The following LINGO2 variants were observed in gnomAD, a reference collection of about 807,000 sequenced individuals.
LINGO2 encodes leucine-rich repeat and immunoglobulin-like domain-containing nogo receptor-interacting protein 2.
In LINGO2, 14 loss-of-function variants were observed where a neutral mutation model predicts 30.6. The observed-to-expected ratio is 0.46, with a 90% CI of 0.30 to 0.72. The LOEUF (loss-of-function observed/expected upper bound fraction) is 0.72, where lower values mean the gene tolerates loss of function less well. Ranked by LOEUF, LINGO2 falls within the 30% of genes least tolerant of loss-of-function variation. The probability of loss-of-function intolerance (pLI) is 0.07; values close to 1 mark genes in which losing one functional copy is unlikely to be tolerated. For synonymous variants in LINGO2, 317 were observed against 288.5 expected (o/e 1.10, Z -1.00); for missense variants, 729 against 751.7 (o/e 0.97, Z 0.35).
chr9:28,338,579 C>G (rs1825665806), intron 3 of LINGO2, among the ~76,000 whole-genome samples: 2 of 152,076 alleles, frequency 1.3e-5, no homozygotes, highest in Admixed American at 1.3e-4. Context: ...AATTGTAGTT[C>G]CTATAATTCC....
chr9:28,563,258 C>T lies in LINGO2; in HGVS notation c.-364-87233G>A, dbSNP rs547406311. Among the ~76,000 whole-genome samples the T allele has an allele frequency of 7.4e-4, 112 of 152,190 alleles. 1 individual carries two copies. The highest frequency in any genetic ancestry group is 2.0e-3 in the Admixed American group (31 of 15,294). On this transcript the variant is annotated intron_variant, in intron 1 of 5. Coordinates refer to ENST00000379992, the Ensembl canonical transcript of LINGO2. ...AAAGGGAAGAGCCAGGAATTAAATC[C>T]AGATCTATCACTGTCTACTTTTTTA... is the stretch of plus-strand genomic sequence containing the variant.
At chr9:28,650,837 G>A (rs942649736) in intron 1 of LINGO2, among the ~76,000 whole-genome samples, 12 of 152,178 alleles carry the variant, frequency 7.9e-5, no homozygotes, top group African/African-American at 2.9e-4. Context: ...GGGAAAGCAA[G>A]TAATAGCCCT....
chr9:28,818,309 T>C, the LINGO2 span, among the ~76,000 whole-genome samples: 1 of 152,142 alleles, frequency 6.6e-6, no homozygotes, highest in African/African-American at 2.4e-5. Flanking sequence ...TCAAGAAAAA[T>C]TCTTTCTTTG....
the LINGO2 span, among the ~76,000 whole-genome samples, chr9:29,160,808 G>A: frequency 1.3e-5 from 2 of 152,222 alleles, no homozygotes; most frequent in African/African-American, 4.8e-5. Flanking sequence ...CTTTGGTCAA[G>A]ATTATGCCGA....
chr9:28,960,811 T>A, the LINGO2 span, among the ~76,000 whole-genome samples: 24 of 114,358 alleles, frequency 2.1e-4, no homozygotes, highest in Middle Eastern at 5.3e-3. Context: ...ATCAGAACAG[T>A]CCATATTCTA....
intron 1 of LINGO2, among the ~76,000 whole-genome samples, chr9:28,625,575 C>T (rs769450572): frequency 6.6e-6 from 1 of 152,050 alleles, no homozygotes; most frequent in Non-Finnish European, 1.5e-5. Context: ...CTCCACATCT[C>T]TATGAGTATG....
intron 4 of LINGO2, among the ~76,000 whole-genome samples, chr9:28,045,637 A>G (rs1160242863): frequency 6.6e-6 from 1 of 152,198 alleles, no homozygotes; most frequent in East Asian, 1.9e-4. Context: ...CTTGTCATTT[A>G]ATACTTACAG....
the LINGO2 span, among the ~76,000 whole-genome samples, chr9:28,817,965 A>G: frequency 6.6e-6 from 1 of 152,198 alleles, no homozygotes; most frequent in African/African-American, 2.4e-5. Context: ...TTCTTCTCAT[A>G]TAAGGATCAG....
At chr9:28,403,654 CTTTT>C (rs60784166) in intron 2 of LINGO2, among the ~76,000 whole-genome samples, 31 of 146,360 alleles carry the variant, frequency 2.1e-4, no homozygotes, top group African/African-American at 4.3e-4. Flanking sequence ...CACCCCTCTC[CTTTT>C]TTTTTTTTTT....
At chr9:29,051,832 C>A in the LINGO2 span, among the ~76,000 whole-genome samples, 2 of 152,110 alleles carry the variant, frequency 1.3e-5, no homozygotes, top group Non-Finnish European at 2.9e-5. Context: ...GCTCGATTTA[C>A]TGGACCTCTT....
At chr9:29,208,926 T>A in the LINGO2 span, among the ~76,000 whole-genome samples, 2 of 152,156 alleles carry the variant, frequency 1.3e-5, no homozygotes, top group Admixed American at 1.3e-4. Flanking sequence ...ATCTTCTCTC[T>A]TGAGGACATT....
intron 4 of LINGO2, among the ~76,000 whole-genome samples, chr9:28,058,735 T>A (rs1309817515): frequency 6.6e-6 from 1 of 152,110 alleles, no homozygotes; most frequent in African/African-American, 2.4e-5. Flanking sequence ...AATTCCAAAC[T>A]TATCAAAAAA....
chr9:27,950,702 C>A, exon 6 of LINGO2: 1 of 1,479,488 alleles, frequency 6.8e-7, no homozygotes, highest in Non-Finnish European at 9.0e-7. Flanking sequence ...ACCTTGGTCA[C>A]GGGTCTGCAT....
chr9:28,720,154 A>G, the LINGO2 span, among the ~76,000 whole-genome samples: 2 of 152,092 alleles, frequency 1.3e-5, no homozygotes, highest in Admixed American at 6.6e-5. Flanking sequence ...TGCACAATTA[A>G]GTCCACACTT....
chr9:28,761,139 T>A, the LINGO2 span, among the ~76,000 whole-genome samples: 1 of 152,012 alleles, frequency 6.6e-6, no homozygotes, highest in South Asian at 2.1e-4. Flanking sequence ...GTGGGATTGC[T>A]GGATATTTAA....
At chr9:28,876,321 A>T in the LINGO2 span, among the ~76,000 whole-genome samples, 3 of 152,006 alleles carry the variant, frequency 2.0e-5, no homozygotes, top group Non-Finnish European at 4.4e-5. Context: ...ACATATGTAT[A>T]CATGTGCCAT....
At chr9:28,431,842 G>C (rs1392411743) in intron 2 of LINGO2, among the ~76,000 whole-genome samples, 1 of 152,080 alleles carries the variant, frequency 6.6e-6, no homozygotes, top group Non-Finnish European at 1.5e-5. Context: ...CTCCTCAAAA[G>C]CACAGTGAAA....
intron 4 of LINGO2, among the ~76,000 whole-genome samples, chr9:28,044,160 A>T (rs75298145): frequency 0.01 from 1,566 of 152,274 alleles, 31 homozygotes; most frequent in African/African-American, 0.036. Flanking sequence ...GATGCAGTTG[A>T]AAGAATGGCC....
At chr9:28,942,508 C>T in the LINGO2 span, among the ~76,000 whole-genome samples, 1 of 152,150 alleles carries the variant, frequency 6.6e-6, no homozygotes, top group South Asian at 2.1e-4. Context: ...GAATCTCTGT[C>T]CCTTCTTTGC....
Sources: allele counts gnomAD v4.1 joint callset (sites outside exome capture counted in the v4.1 genomes callset), GRCh38; gene constraint gnomAD v4.1.1; transcripts MANE v1.5; gene names NCBI Gene and HGNC (gene_info 2026-07-23, HGNC 2026-07-21).